Variants in UCHL3 observed in about 807,000 individuals in gnomAD.
UCHL3 encodes the protein ubiquitin C-terminal hydrolase L3.
A neutral mutation model predicts 35.8 loss-of-function variants in UCHL3; 22 were observed. The observed-to-expected ratio is 0.61, with a 90% CI of 0.44 to 0.88. The LOEUF is 0.88. Among genes scored for constraint, UCHL3 ranks in the 40% least tolerant of loss-of-function variants. The pLI, the probability that UCHL3 is intolerant of heterozygous loss-of-function variation, is 0.00. For missense variants in UCHL3, 229 were observed against 276.9 expected, an observed-to-expected ratio of 0.83 and a Z score of 1.23; for synonymous variants, 90 against 92.8, an observed-to-expected ratio of 0.97 and a Z score of 0.17.
intron 2 of UCHL3, among the ~76,000 whole-genome samples, chr13:75,553,153 C>G (rs1315103490): frequency 6.6e-6 from 1 of 152,180 alleles, no homozygotes; most frequent in Non-Finnish European, 1.5e-5. Flanking sequence ...TAAGAATTCT[C>G]TAATTAGTAG....
At chr13:75,582,789 A>G (rs1336339703) in intron 6 of UCHL3, among the ~76,000 whole-genome samples, 1 of 152,232 alleles carries the variant, frequency 6.6e-6, no homozygotes, top group African/African-American at 2.4e-5. Context: ...AGTTAATATT[A>G]TAAGGATTTA....
chr13:75,550,096 C>A (rs1373136729), intron 2 of UCHL3, 109 bp downstream of exon 2: 1 of 1,540,738 alleles, frequency 6.5e-7, no homozygotes, highest in Non-Finnish European at 9.0e-7. Flanking sequence ...GATTTAATTT[C>A]TTGAGGGCCC....
chr13:75,555,814 A>C (rs570146911), intron 2 of UCHL3, among the ~76,000 whole-genome samples: 1 of 152,166 alleles, frequency 6.6e-6, no homozygotes, highest in Admixed American at 6.5e-5. Flanking sequence ...GCTGGCCTCC[A>C]GCTCCTGGGG....
intron 6 of UCHL3, among the ~76,000 whole-genome samples, chr13:75,587,111 G>A (rs1206707204): frequency 6.6e-6 from 1 of 151,424 alleles, no homozygotes; most frequent in Non-Finnish European, 1.5e-5. Flanking sequence ...ATTCATTACT[G>A]TAGTAGAGGT....
chr13:75,598,690 G>A (rs1195851600), intron 7 of UCHL3, among the ~76,000 whole-genome samples: 6 of 152,054 alleles, frequency 3.9e-5, no homozygotes, highest in Non-Finnish European at 5.9e-5. Context: ...GCATCATATC[G>A]AGAGGCACAT....
intron 2 of UCHL3, among the ~76,000 whole-genome samples, chr13:75,551,358 G>A (rs1286705676): frequency 6.6e-6 from 1 of 151,682 alleles, no homozygotes; most frequent in Non-Finnish European, 1.5e-5. Context: ...TTGAACCCGG[G>A]AGGCGGAGGT....
intron 6 of UCHL3, among the ~76,000 whole-genome samples, chr13:75,592,435 TA>T (rs2032514061): frequency 1.0e-5 from 1 of 98,760 alleles, no homozygotes. Context: ...TATATATATA[TA>T]TATATATATA....
intron 2 of UCHL3, among the ~76,000 whole-genome samples, chr13:75,551,684 A>G (rs969580709): frequency 1.3e-5 from 2 of 152,228 alleles, no homozygotes; most frequent in African/African-American, 4.8e-5. Context: ...AACCATATCA[A>G]TAGACTAAAA....
chr13:75,595,905 A>G (rs1469390032), intron 7 of UCHL3, among the ~76,000 whole-genome samples: 1 of 152,062 alleles, frequency 6.6e-6, no homozygotes, highest in African/African-American at 2.4e-5. Context: ...GGTATACAAT[A>G]CTTATTATGA....
At chr13:75,557,922 G>GTT (rs1293516439) in intron 2 of UCHL3, among the ~76,000 whole-genome samples, 2 of 142,924 alleles carry the variant, frequency 1.4e-5, no homozygotes, top group Non-Finnish European at 1.5e-5. Context: ...CAAACACAGG[G>GTT]TTTTTTTTTT....
At chr13:75,569,080 C>G (rs2031774474) in intron 5 of UCHL3, 1 of 157,376 alleles carries the variant, frequency 6.4e-6, no homozygotes, top group African/African-American at 2.4e-5. Context: ...AGCATGGAAC[C>G]TGGAGAAACA....
rs867931460 is a variant in UCHL3, at chr13:75,592,448, A to G, written c.475-2467A>G. ...TATATATATATATATATATATATAT[A>G]TATATATATATATATATATGAAGGA... On this transcript the variant is annotated intron_variant, in intron 6 of 8. Coordinates refer to ENST00000377595, the MANE Select transcript of UCHL3 (RefSeq NM_006002.5). Among the ~76,000 whole-genome samples the G allele has an allele frequency of 7.2e-4, 84 of 116,636 alleles. 1 individual carries two copies. Among genetic ancestry groups the G allele is most frequent in the African/African-American group, 2.6e-3 (81 of 30,950 alleles). 76.5% of individuals were successfully genotyped at this position (116,636 alleles called of 152,430 possible). A position where few individuals can be genotyped will look rare whatever the true frequency, so the allele number is the denominator to read the frequency against.
intron 6 of UCHL3, among the ~76,000 whole-genome samples, chr13:75,570,327 C>T (rs2031814493): frequency 6.6e-6 from 1 of 152,042 alleles, no homozygotes; most frequent in Non-Finnish European, 1.5e-5. Flanking sequence ...AGCTCCGCCT[C>T]CCGGGTCACT....
intron 6 of UCHL3, among the ~76,000 whole-genome samples, chr13:75,584,187 A>C (rs1369194518): frequency 6.6e-6 from 1 of 152,170 alleles, no homozygotes; most frequent in Admixed American, 6.5e-5. Context: ...CTTGTCCTTG[A>C]TATCCAGGGA....
chr13:75,594,268 G>T (rs1222870802), intron 6 of UCHL3, among the ~76,000 whole-genome samples: 1 of 152,270 alleles, frequency 6.6e-6, no homozygotes, highest in Non-Finnish European at 1.5e-5. Context: ...AAAATCACAG[G>T]CTACTGTGAA....
At chr13:75,603,083 G>A (rs1408744296) in intron 7 of UCHL3, among the ~76,000 whole-genome samples, 2 of 151,958 alleles carry the variant, frequency 1.3e-5, no homozygotes, top group Non-Finnish European at 1.5e-5. Flanking sequence ...TTGAACTCCT[G>A]GGCTCAAGTG....
chr13:75,585,808 T>C (rs1267346177), intron 6 of UCHL3, among the ~76,000 whole-genome samples: 2 of 152,082 alleles, frequency 1.3e-5, no homozygotes, highest in Non-Finnish European at 2.9e-5. Context: ...GGTGTAATAC[T>C]GTTTGAAGGT....
intron 6 of UCHL3, among the ~76,000 whole-genome samples, chr13:75,589,322 A>T (rs2032412966): frequency 6.6e-6 from 1 of 151,914 alleles, no homozygotes; most frequent in African/African-American, 2.4e-5. Flanking sequence ...CACCTGGCAT[A>T]AAAAAAGATG....
intron 6 of UCHL3, among the ~76,000 whole-genome samples, chr13:75,577,132 A>G (rs549218537): frequency 4.9e-4 from 74 of 152,136 alleles, no homozygotes; most frequent in Middle Eastern, 3.4e-3. Context: ...AGTTCCAGCT[A>G]CTCTGTAGTT....
Sources: allele counts gnomAD v4.1 joint callset (sites outside exome capture counted in the v4.1 genomes callset), GRCh38; gene constraint gnomAD v4.1.1; transcripts MANE v1.5; gene names NCBI Gene and HGNC (gene_info 2026-07-23, HGNC 2026-07-21).